The following PPP1R9A variants were observed in gnomAD, a reference collection of about 807,000 sequenced individuals.
The protein encoded by PPP1R9A is protein phosphatase 1 regulatory subunit 9A.
Under a neutral mutation model 141.9 loss-of-function variants are expected in PPP1R9A, and 59 were observed. The observed-to-expected ratio is 0.42, with a 90% CI of 0.34 to 0.52. The LOEUF (loss-of-function observed/expected upper bound fraction) is 0.52, where lower values mean the gene tolerates loss of function less well. Among genes scored for constraint, PPP1R9A ranks in the 20% least tolerant of loss-of-function variants. The pLI is 0.10. For synonymous variants in PPP1R9A, 500 were observed against 569.7 expected (o/e 0.88, Z 1.74); for missense variants, 1,444 against 1,611.9 (o/e 0.90, Z 1.78).
chr7:95,132,706 G>A (rs1379415919), intron 4 of PPP1R9A, among the ~76,000 whole-genome samples: 2 of 151,950 alleles, frequency 1.3e-5, no homozygotes, highest in South Asian at 4.2e-4. Flanking sequence ...CCCGCTGCAG[G>A]CTGCACTTGG....
At chr7:95,156,628 G>T (rs1414698457) in intron 4 of PPP1R9A, 1 of 152,296 alleles carries the variant, frequency 6.6e-6, no homozygotes, top group African/African-American at 2.4e-5. Context: ...CCACAGCCAG[G>T]ATGTTCCAAT....
At chr7:95,209,746 TA>T (rs1791677122) in intron 7 of PPP1R9A, among the ~76,000 whole-genome samples, 1 of 152,216 alleles carries the variant, frequency 6.6e-6, no homozygotes, top group South Asian at 2.1e-4. Flanking sequence ...GATGATCTGA[TA>T]GCATTTTTGC....
chr7:95,076,021 A>C (rs1344063160), intron 2 of PPP1R9A, among the ~76,000 whole-genome samples: 1 of 152,190 alleles, frequency 6.6e-6, no homozygotes, highest in Non-Finnish European at 1.5e-5. Context: ...ACACCTTCAC[A>C]AATGGAAAAA....
intron 2 of PPP1R9A, among the ~76,000 whole-genome samples, chr7:95,103,837 C>T (rs2152414135): frequency 6.6e-6 from 1 of 152,294 alleles, no homozygotes; most frequent in African/African-American, 2.4e-5. Flanking sequence ...TTCTGCCTTA[C>T]TCCCTAGATT....
intron 2 of PPP1R9A, among the ~76,000 whole-genome samples, chr7:94,931,284 C>A (rs1794125184): frequency 6.6e-6 from 1 of 152,164 alleles, no homozygotes; most frequent in Admixed American, 6.5e-5. Context: ...CTGGTAACTC[C>A]TAAGTTACAG....
At position 95,287,254 on chromosome 7, in the gene PPP1R9A, G is replaced by A. The variant is rs759748234; in HGVS notation, c.3729+929G>A. On this transcript the variant is annotated intron_variant, in intron 18 of 19. Coordinates refer to ENST00000433360, the MANE Select transcript of PPP1R9A (RefSeq NM_001166160.2). Reference sequence around the variant, plus strand: ...AGAATATCTTCCTCTGTAGTGAAGGGTTTCCTTGTGTTAAATAGCTTTACT... The same window carrying A: ...AGAATATCTTCCTCTGTAGTGAAGGATTTCCTTGTGTTAAATAGCTTTACT... 3.3e-6 allele frequency: 4 copies of A among 1,220,250 alleles called. No individual in the cohort carries two copies. In the Admixed American group the frequency reaches 6.8e-5, roughly 21 times the overall value. The allele number at this position is 1,220,250 out of a possible 1,614,324, so 75.6% of individuals were successfully genotyped here.
chr7:95,133,268 C>G (rs566300773), intron 4 of PPP1R9A, among the ~76,000 whole-genome samples: 1 of 152,102 alleles, frequency 6.6e-6, no homozygotes, highest in African/African-American at 2.4e-5. Flanking sequence ...GCTCTATGGA[C>G]TGGTAGCTCA....
At chr7:94,920,881 C>G (rs1344961670) in intron 2 of PPP1R9A, among the ~76,000 whole-genome samples, 1 of 152,148 alleles carries the variant, frequency 6.6e-6, no homozygotes, top group Non-Finnish European at 1.5e-5. Flanking sequence ...CATGTTGAGT[C>G]TGTTGCTGTA....
In PPP1R9A at chr7:95,082,946, G is replaced by A. The variant is rs547936722; in HGVS notation, c.1396-28313G>A. ...AATTTTTTGTATTTTTAGAAGAGAC[G>A]GGGTTTCACCGTGTTAGCCAGGATG... On this transcript the variant is annotated intron_variant, in intron 2 of 19. Transcript: ENST00000433360. Among the ~76,000 whole-genome samples the A allele has an allele frequency of 2.9e-4, 44 of 151,360 alleles. No individual in the cohort carries two copies. The East Asian group carries it at 8.3e-3, about 28-fold the overall frequency.
intron 4 of PPP1R9A, among the ~76,000 whole-genome samples, chr7:95,140,704 A>G (rs564400130): frequency 6.7e-4 from 102 of 151,888 alleles, no homozygotes; most frequent in Non-Finnish European, 1.0e-3. Context: ...AGATGAGAGT[A>G]GTTTTAGTTT....
intron 5 of PPP1R9A, chr7:95,174,823 T>C (rs1832663618): frequency 6.6e-6 from 1 of 152,218 alleles, no homozygotes; most frequent in Non-Finnish European, 1.5e-5. Context: ...CTCATGTTTC[T>C]TGAGTCTACA....
intron 9 of PPP1R9A, among the ~76,000 whole-genome samples, chr7:95,248,421 G>A (rs1429586842): frequency 6.6e-6 from 1 of 151,918 alleles, no homozygotes; most frequent in Non-Finnish European, 1.5e-5. Flanking sequence ...TCACTCTGCA[G>A]CTCTTTAGTC....
At chr7:95,091,803 T>G (rs907672297) in intron 2 of PPP1R9A, among the ~76,000 whole-genome samples, 3 of 150,950 alleles carry the variant, frequency 2.0e-5, no homozygotes, top group Non-Finnish European at 2.9e-5. Flanking sequence ...ATTTTAGTTT[T>G]GGCATTTGGT....
chr7:94,984,800 T>G (rs1230279421), intron 2 of PPP1R9A, among the ~76,000 whole-genome samples: 1 of 152,106 alleles, frequency 6.6e-6, no homozygotes, highest in Admixed American at 6.6e-5. Flanking sequence ...ATTCATTGAT[T>G]TTTTTGAAGG....
chr7:95,182,494 C>A (rs1169647404), intron 5 of PPP1R9A, among the ~76,000 whole-genome samples: 1 of 152,038 alleles, frequency 6.6e-6, no homozygotes, highest in South Asian at 2.1e-4. Flanking sequence ...ATGCAATAAA[C>A]CTCAAAATGT....
intron 2 of PPP1R9A, among the ~76,000 whole-genome samples, chr7:95,028,169 C>A (rs953840110): frequency 1.3e-5 from 2 of 152,026 alleles, no homozygotes; most frequent in Non-Finnish European, 2.9e-5. Flanking sequence ...TTCAGAATCA[C>A]CTCAGAAGAC....
At position 95,068,646 on chromosome 7, in the gene PPP1R9A, G is replaced by A. The variant is rs1213985611; in HGVS notation, c.1396-42613G>A. Reference sequence around the variant, plus strand: ...AATGTCAGAGCCAGCCCCAAACTCAGGTCTCTGGCTTCCCTTCCCTAGTCA... The same window carrying A: ...AATGTCAGAGCCAGCCCCAAACTCAAGTCTCTGGCTTCCCTTCCCTAGTCA... On this transcript the variant is annotated intron_variant, in intron 2 of 19. Transcript: ENST00000433360. Among the ~76,000 whole-genome samples, 7 of 152,216 alleles carry A rather than the reference G, an allele frequency of 4.6e-5. No individual in the cohort carries two copies. In the East Asian group the frequency reaches 1.4e-3, roughly 29 times the overall value.
chr7:95,050,235 A>G (rs929515338), intron 2 of PPP1R9A, among the ~76,000 whole-genome samples: 2 of 152,338 alleles, frequency 1.3e-5, no homozygotes, highest in African/African-American at 2.4e-5. Context: ...CCCTAATGAC[A>G]TATGTGGAGC....
chr7:95,289,435 C>T (rs1345936208), intron 19 of PPP1R9A, among the ~76,000 whole-genome samples: 1 of 152,138 alleles, frequency 6.6e-6, no homozygotes, highest in Admixed American at 6.5e-5. Flanking sequence ...CAAGGCTGTC[C>T]CTGTTGGGGA....
Sources: allele counts gnomAD v4.1 joint callset (sites outside exome capture counted in the v4.1 genomes callset), GRCh38; gene constraint gnomAD v4.1.1; transcripts MANE v1.5; gene names NCBI Gene and HGNC (gene_info 2026-07-23, HGNC 2026-07-21).